CACNA1A: variants seen among roughly 807,000 people sequenced by gnomAD.
CACNA1A encodes the protein voltage-dependent P/Q-type calcium channel subunit alpha-1A.
In CACNA1A, 57 loss-of-function variants were observed where a neutral mutation model predicts 262.4. The ratio of observed to expected loss-of-function variants is 0.22; its 90% CI spans 0.18 to 0.27. The LOEUF (loss-of-function observed/expected upper bound fraction) is 0.27, where lower values mean the gene tolerates loss of function less well. CACNA1A is among the 10% of genes least tolerant of loss of function. The pLI is 1.00. For missense variants in CACNA1A, 2,526 were observed against 3,562.8 expected (o/e 0.71, Z 7.41); for synonymous variants, 1,431 against 1,419.3 (o/e 1.01, Z -0.18).
At position 13,375,668 on chromosome 19, in the gene CACNA1A, G is replaced by T. The variant is rs558043043; in HGVS notation, c.540-3889C>A. On this transcript the variant is annotated intron_variant, in intron 3 of 46. Transcript: ENST00000360228. The stretch of plus-strand genomic sequence containing the variant: ...CTGGGTGTGGTGGTGCACACCTGTG[G>T]TCTCAGCTACTTAGGAGGCTGAGGT... 7.2e-5 allele frequency among the ~76,000 whole-genome samples: 11 copies of T among 152,160 alleles called. 1 individual carries two copies. The highest frequency in any genetic ancestry group is 2.4e-4 in the African/African-American group (10 of 41,502).
intron 29 of CACNA1A, among the ~76,000 whole-genome samples, chr19:13,253,733 C>T (rs1334018095): frequency 1.3e-5 from 2 of 150,820 alleles, no homozygotes; most frequent in Non-Finnish European, 1.5e-5. Context: ...CGTGAGCCAC[C>T]GTCCCCGGCT....
chr19:13,416,879 C>T (rs1453620250), intron 3 of CACNA1A, among the ~76,000 whole-genome samples: 1 of 151,552 alleles, frequency 6.6e-6, no homozygotes, highest in Non-Finnish European at 1.5e-5. Flanking sequence ...GTGGTGCATG[C>T]CTGTAGCTAC....
At chr19:13,463,943 T>C (rs2061172711) in intron 1 of CACNA1A, among the ~76,000 whole-genome samples, 1 of 152,138 alleles carries the variant, frequency 6.6e-6, no homozygotes. Context: ...TCCTCATATA[T>C]AAAAGGTAGA....
chr19:13,464,585 T>G (rs886999432), intron 1 of CACNA1A, among the ~76,000 whole-genome samples: 29 of 149,760 alleles, frequency 1.9e-4, no homozygotes, highest in African/African-American at 5.2e-4. Flanking sequence ...GTCTTGCTCT[T>G]TCGCCCAGGC....
intron 3 of CACNA1A, among the ~76,000 whole-genome samples, chr19:13,389,432 G>T (rs2059674733): frequency 6.6e-6 from 1 of 152,110 alleles, no homozygotes; most frequent in South Asian, 2.1e-4. Flanking sequence ...GATGCCTGGG[G>T]ACATAAGCGC....
intron 3 of CACNA1A, among the ~76,000 whole-genome samples, chr19:13,376,749 AAT>A (rs369983999): frequency 7.9e-4 from 117 of 147,964 alleles, no homozygotes; most frequent in East Asian, 2.2e-3. Flanking sequence ...TATATAACAC[AAT>A]ATGTTATATG....
At chr19:13,229,025 C>A in intron 36 of CACNA1A, 7 of 294,144 alleles carry the variant, frequency 2.4e-5, no homozygotes, top group East Asian at 1.8e-4. Flanking sequence ...GCTCTCTCTG[C>A]ATCTGCCTCC....
At chr19:13,250,726 T>C (rs1387872871) in intron 30 of CACNA1A, among the ~76,000 whole-genome samples, 2 of 152,190 alleles carry the variant, frequency 1.3e-5, no homozygotes, top group African/African-American at 4.8e-5. Context: ...GCTATGAACC[T>C]TGGCCATGTG....
intron 24 of CACNA1A, chr19:13,273,988 T>C (rs2057086820): frequency 6.6e-6 from 1 of 151,776 alleles, no homozygotes; most frequent in Non-Finnish European, 1.5e-5. Context: ...GCTCAAGCAA[T>C]CTGCCTGTCT....
At chr19:13,211,917 C>G (rs1291044342) in intron 43 of CACNA1A, 186 bp downstream of exon 43, 2 of 579,026 alleles carry the variant, frequency 3.5e-6, no homozygotes, top group South Asian at 4.1e-5. Flanking sequence ...GGAGGAGGGT[C>G]TGCAGGTGCT....
rs1445259892 is a variant in CACNA1A at position 13,365,301 on chromosome 19, T to C, written c.784+16A>G. On this transcript the variant is annotated intron_variant, in intron 5 of 46. Transcript: ENST00000360228. ...AGGAGAAAACTGGAAAGATGCATCA[T>C]GCTCCGTGGACCTACCTGTCCCCTC... 2 of 1,602,978 alleles carry C rather than the reference T, an allele frequency of 1.2e-6. No individual in the cohort carries two copies. The highest frequency in any genetic ancestry group is 2.2e-5 in the East Asian group (1 of 44,708).
At chr19:13,289,172 C>T (rs1310072897) in intron 19 of CACNA1A, among the ~76,000 whole-genome samples, 1 of 140,296 alleles carries the variant, frequency 7.1e-6, no homozygotes, top group Non-Finnish European at 1.5e-5. Context: ...GACAGGGTCT[C>T]ACTCTGTCGC....
chr19:13,404,185 C>T (rs1240634508), intron 3 of CACNA1A, among the ~76,000 whole-genome samples: 31 of 144,460 alleles, frequency 2.1e-4, no homozygotes, highest in African/African-American at 8.5e-4. Flanking sequence ...TATATATACA[C>T]ATATACACAC....
chr19:13,412,875 T>C (rs555459081), intron 3 of CACNA1A, among the ~76,000 whole-genome samples: 1 of 152,218 alleles, frequency 6.6e-6, no homozygotes, highest in South Asian at 2.1e-4. Flanking sequence ...ATTTGAAGAC[T>C]ACTTTGGTAG....
At chr19:13,465,249 G>C (rs1035467428) in intron 1 of CACNA1A, among the ~76,000 whole-genome samples, 1 of 152,022 alleles carries the variant, frequency 6.6e-6, no homozygotes, top group Non-Finnish European at 1.5e-5. Context: ...TTTTCTTCAA[G>C]GAGGGAGGGA....
At chr19:13,494,237 G>A (rs1036580761) in intron 1 of CACNA1A, among the ~76,000 whole-genome samples, 3 of 152,196 alleles carry the variant, frequency 2.0e-5, no homozygotes, top group Non-Finnish European at 4.4e-5. Flanking sequence ...ACATTAAAAT[G>A]TCTTCAGAGA....
intron 3 of CACNA1A, among the ~76,000 whole-genome samples, chr19:13,402,105 T>C (rs962223963): frequency 1.3e-5 from 2 of 152,254 alleles, no homozygotes; most frequent in Non-Finnish European, 2.9e-5. Flanking sequence ...TTTGTCTCTC[T>C]TGATCAGCAA....
chr19:13,480,017 C>G (rs946589996), intron 1 of CACNA1A, among the ~76,000 whole-genome samples: 1 of 152,216 alleles, frequency 6.6e-6, no homozygotes, highest in African/African-American at 2.4e-5. Flanking sequence ...ACAGTATTTA[C>G]TAGACATTTT....
intron 3 of CACNA1A, among the ~76,000 whole-genome samples, chr19:13,409,369 G>A (rs2144730298): frequency 6.7e-6 from 1 of 150,086 alleles, no homozygotes; most frequent in Non-Finnish European, 1.5e-5. Flanking sequence ...TTGATCCTTT[G>A]ACAATCCTGT....
Sources: gnomAD v4.1 joint callset for allele counts (sites outside exome capture counted in the v4.1 genomes callset) on GRCh38, gnomAD v4.1.1 for gene constraint, MANE v1.5 for transcripts, NCBI Gene and HGNC (gene_info 2026-07-23, HGNC 2026-07-21) for gene names.